Variants in PTPRD observed in about 807,000 individuals in gnomAD.
PTPRD encodes protein tyrosine phosphatase receptor type D, also known as receptor-type tyrosine-protein phosphatase delta.
In PTPRD, 34 loss-of-function variants were observed where a neutral mutation model predicts 214.5. That is an observed-to-expected ratio of 0.16 (90% CI 0.12 to 0.21). The LOEUF (loss-of-function observed/expected upper bound fraction) is 0.21. Ranked by LOEUF, PTPRD falls within the 10% of genes least tolerant of loss-of-function variation. The pLI is 1.00. For missense variants in PTPRD, 2,545 were observed against 2,398.7 expected (o/e 1.06, Z -1.27); for synonymous variants, 1,128 against 845.7 (o/e 1.33, Z -5.79).
chr9:8,544,430 G>A (rs1453933986), intron 14 of PTPRD, among the ~76,000 whole-genome samples: 3 of 147,200 alleles, frequency 2.0e-5, no homozygotes, highest in African/African-American at 5.0e-5. Context: ...CCATTGATAT[G>A]AGCAGGAATT....
intron 3 of PTPRD, among the ~76,000 whole-genome samples, chr9:10,214,453 T>G (rs1017027427): frequency 1.9e-4 from 29 of 150,220 alleles, no homozygotes; most frequent in African/African-American, 7.0e-4. Flanking sequence ...TTTTTTGCAT[T>G]TTAATATAGA....
chr9:9,850,360 T>C (rs369111959), intron 5 of PTPRD, among the ~76,000 whole-genome samples: 5 of 152,130 alleles, frequency 3.3e-5, no homozygotes, highest in African/African-American at 1.2e-4. Context: ...ATGTTTGTTC[T>C]TGTTATTATT....
At chr9:10,006,509 C>A (rs1418907657) in intron 4 of PTPRD, among the ~76,000 whole-genome samples, 42 of 151,920 alleles carry the variant, frequency 2.8e-4, no homozygotes, top group Non-Finnish European at 1.0e-4. Flanking sequence ...ATATTTGGAT[C>A]ATATTCCCGT....
At chr9:10,401,184 C>T (rs181527452) in intron 2 of PTPRD, among the ~76,000 whole-genome samples, 4 of 151,542 alleles carry the variant, frequency 2.6e-5, no homozygotes, top group East Asian at 2.0e-4. Context: ...TTTCTTTTTC[C>T]GCTTGTTCAA....
chr9:8,485,133 C>G, intron 29 of PTPRD, 94 bp downstream of exon 29: 1 of 1,045,786 alleles, frequency 9.6e-7, no homozygotes. Flanking sequence ...GTGGCCAAAA[C>G]AAAGTGGTCT....
At chr9:9,437,013 A>T (rs2143939603) in intron 8 of PTPRD, among the ~76,000 whole-genome samples, 1 of 152,306 alleles carries the variant, frequency 6.6e-6, no homozygotes, top group African/African-American at 2.4e-5. Context: ...TGTGTTATGT[A>T]GTACAATGCA....
chr9:10,133,158 G>T (rs2098913336), intron 3 of PTPRD, among the ~76,000 whole-genome samples: 1 of 152,140 alleles, frequency 6.6e-6, no homozygotes, highest in African/African-American at 2.4e-5. Flanking sequence ...TGATAACCTA[G>T]AACATGTATG....
At chr9:8,976,710 C>A (rs976548622) in intron 11 of PTPRD, among the ~76,000 whole-genome samples, 1 of 152,068 alleles carries the variant, frequency 6.6e-6, no homozygotes, top group East Asian at 1.9e-4. Context: ...TACATCCTCT[C>A]TACAGTCTGA....
At chr9:8,756,113 G>T (rs1377979637) in intron 11 of PTPRD, among the ~76,000 whole-genome samples, 2 of 152,184 alleles carry the variant, frequency 1.3e-5, no homozygotes, top group African/African-American at 4.8e-5. Flanking sequence ...GGGGCCAAGA[G>T]AATCAGTGTA....
intron 9 of PTPRD, among the ~76,000 whole-genome samples, chr9:9,390,029 G>C (rs879117042): frequency 6.6e-6 from 1 of 152,132 alleles, no homozygotes; most frequent in Non-Finnish European, 1.5e-5. Context: ...AAAGCATTGC[G>C]GTAGGGTGAC....
intron 10 of PTPRD, among the ~76,000 whole-genome samples, chr9:9,080,639 A>C (rs771064265): frequency 2.0e-5 from 3 of 152,066 alleles, no homozygotes; most frequent in African/African-American, 7.2e-5. Flanking sequence ...ACAAAGCTCT[A>C]TCTCTCTTCT....
chr9:8,423,822 T>C (rs1166367087), intron 35 of PTPRD, among the ~76,000 whole-genome samples: 1 of 149,744 alleles, frequency 6.7e-6, no homozygotes. Flanking sequence ...ACCATCTGCT[T>C]TTTTTTTCCT....
At chr9:10,402,266 G>A (rs568608888) in intron 2 of PTPRD, among the ~76,000 whole-genome samples, 3 of 151,738 alleles carry the variant, frequency 2.0e-5, no homozygotes, top group African/African-American at 7.2e-5. Context: ...AATATCTTGA[G>A]ATTACAGAAC....
intron 3 of PTPRD, among the ~76,000 whole-genome samples, chr9:10,260,046 C>T (rs1231212750): frequency 6.6e-6 from 1 of 152,164 alleles, no homozygotes; most frequent in Non-Finnish European, 1.5e-5. Flanking sequence ...GTTGTATCTG[C>T]AGGCCTCATT....
At chr9:10,210,599 A>C (rs1414543713) in intron 3 of PTPRD, among the ~76,000 whole-genome samples, 4 of 151,368 alleles carry the variant, frequency 2.6e-5, no homozygotes, top group Non-Finnish European at 5.9e-5. Context: ...TGATATGAGG[A>C]TATTTAGAAA....
intron 3 of PTPRD, among the ~76,000 whole-genome samples, chr9:10,111,516 G>T (rs1374244845): frequency 6.6e-6 from 1 of 152,030 alleles, no homozygotes; most frequent in Non-Finnish European, 1.5e-5. Flanking sequence ...GGGATTACAG[G>T]CGTGAGCCAC....
intron 5 of PTPRD, among the ~76,000 whole-genome samples, chr9:9,786,883 A>C (rs2098928555): frequency 6.6e-6 from 1 of 152,066 alleles, no homozygotes; most frequent in South Asian, 2.1e-4. Flanking sequence ...AGTGGCTTAC[A>C]TCTGTCTTCC....
chr9:8,459,901 T>TC (rs1184249790), intron 33 of PTPRD, among the ~76,000 whole-genome samples: 2 of 152,120 alleles, frequency 1.3e-5, no homozygotes, highest in African/African-American at 2.4e-5. Flanking sequence ...CTCTTTTTTT[T>TC]CCCCTTCCTT....
At chr9:10,420,557 G>A (rs1041838623) in intron 2 of PTPRD, among the ~76,000 whole-genome samples, 1 of 151,670 alleles carries the variant, frequency 6.6e-6, no homozygotes, top group Non-Finnish European at 1.5e-5. Context: ...ACAAACGACG[G>A]GGGGGCTGAA....
Sources: gnomAD v4.1 joint callset for allele counts (sites outside exome capture counted in the v4.1 genomes callset) on GRCh38, gnomAD v4.1.1 for gene constraint, MANE v1.5 for transcripts, NCBI Gene and HGNC (gene_info 2026-07-23, HGNC 2026-07-21) for gene names.